The following GRIA4 variants were observed in gnomAD, a reference collection of about 807,000 sequenced individuals.
GRIA4 encodes the protein glutamate receptor 4.
A neutral mutation model predicts 104.0 loss-of-function variants in GRIA4; 34 were observed. The ratio of observed to expected loss-of-function variants is 0.33; its 90% CI spans 0.25 to 0.44. The LOEUF is 0.44. GRIA4 is among the 20% of genes least tolerant of loss of function. The probability of loss-of-function intolerance (pLI) is 1.00; values close to 1 mark genes in which losing one functional copy is unlikely to be tolerated. For synonymous variants in GRIA4, 386 were observed against 381.9 expected (o/e 1.01, Z -0.13); for missense variants, 750 against 1,096.5 (o/e 0.68, Z 4.46).
chr11:105,928,876 A>T (rs1419950303), intron 13 of GRIA4, among the ~76,000 whole-genome samples: 5 of 152,110 alleles, frequency 3.3e-5, no homozygotes, highest in Non-Finnish European at 1.5e-5. Flanking sequence ...ATAAGAGAAT[A>T]TATTAAGAGA....
chr11:105,842,746 G>A (rs1444079950), intron 4 of GRIA4: 4 of 152,218 alleles, frequency 2.6e-5, no homozygotes, highest in East Asian at 1.9e-4. Context: ...AAAGCAATAC[G>A]ATACAATAAA....
chr11:105,682,071 A>T (rs1344065518), intron 3 of GRIA4, among the ~76,000 whole-genome samples: 1 of 152,024 alleles, frequency 6.6e-6, no homozygotes, highest in East Asian at 1.9e-4. Context: ...TAACAATTTC[A>T]TTGATTTCTG....
intron 10 of GRIA4, chr11:105,913,290 G>C (rs1947307614): frequency 1.8e-6 from 1 of 563,150 alleles, no homozygotes; most frequent in Non-Finnish European, 2.2e-6. Flanking sequence ...TGTAGTGTTA[G>C]CTTTTATGGC....
At chr11:105,695,887 T>C (rs771443585) in intron 3 of GRIA4, among the ~76,000 whole-genome samples, 2 of 152,188 alleles carry the variant, frequency 1.3e-5, no homozygotes. Context: ...AAATATTGTA[T>C]ACCATTGTAT....
intron 6 of GRIA4, among the ~76,000 whole-genome samples, chr11:105,890,571 T>C (rs1178108100): frequency 6.6e-6 from 1 of 152,208 alleles, no homozygotes; most frequent in East Asian, 1.9e-4. Flanking sequence ...TGAGAATACA[T>C]TGATGTATTC....
chr11:105,794,508 T>TATATATATATAC (rs1942390595), intron 4 of GRIA4, among the ~76,000 whole-genome samples: 1 of 122,950 alleles, frequency 8.1e-6, no homozygotes, highest in Non-Finnish European at 1.7e-5. Context: ...TATATATATA[T>TATATATATATAC]ATATACATAT....
intron 14 of GRIA4, among the ~76,000 whole-genome samples, chr11:105,962,631 C>A (rs935980210): frequency 1.3e-5 from 2 of 152,026 alleles, no homozygotes; most frequent in African/African-American, 4.8e-5. Context: ...ATGAGAAAAG[C>A]TATTTGGGGA....
chr11:105,821,319 T>C (rs1297551579), intron 4 of GRIA4, among the ~76,000 whole-genome samples: 2 of 152,076 alleles, frequency 1.3e-5, no homozygotes, highest in African/African-American at 4.8e-5. Flanking sequence ...GAAGAAATTG[T>C]AGGAGGGGGT....
chr11:105,748,227 T>C (rs1010622701), intron 3 of GRIA4, among the ~76,000 whole-genome samples: 4 of 152,212 alleles, frequency 2.6e-5, no homozygotes, highest in Admixed American at 6.5e-5. Flanking sequence ...GGCAGTCAGC[T>C]TGGAACTTAG....
At chr11:105,904,128 C>T (rs558185445) in intron 8 of GRIA4, 147 bp downstream of exon 8, 3 of 612,902 alleles carry the variant, frequency 4.9e-6, no homozygotes, top group East Asian at 2.9e-5. Context: ...AACATTTCTA[C>T]ATAAAATACA....
intron 14 of GRIA4, among the ~76,000 whole-genome samples, chr11:105,966,685 G>C (rs1363211193): frequency 7.6e-6 from 1 of 131,638 alleles, no homozygotes; most frequent in East Asian, 2.2e-4. Flanking sequence ...CTTAACTCCA[G>C]CTTCCTAAAA....
In GRIA4 at chr11:105,933,874, C is replaced by T. The variant is rs577703934; in HGVS notation, c.2199C>T (p.Tyr733=). The T allele has an allele frequency of 1.2e-6, 2 of 1,613,374 alleles. No homozygotes were observed. Among genetic ancestry groups the T allele is most frequent in the African/African-American group, 2.7e-5 (2 of 74,958 alleles). ...AFLLESTMNE[Y]IEQRKPCDTM... The stretch of plus-strand genomic sequence containing the variant: ...TCCTGGAGTCCACTATGAATGAATA[C>T]ATTGAGCAGCGAAAGCCATGTGACA... The change falls in exon 14 of 17, where the codon TAC becomes TAT. Residue 733 remains tyrosine, a synonymous_variant. Coordinates refer to ENST00000282499, the MANE Select transcript of GRIA4 (RefSeq NM_000829.4).
intron 4 of GRIA4, among the ~76,000 whole-genome samples, chr11:105,821,688 ACAATT>A (rs1216521052): frequency 6.6e-6 from 1 of 152,124 alleles, no homozygotes; most frequent in African/African-American, 2.4e-5. Context: ...AGTAAGGATT[ACAATT>A]CAACGTGAGA....
At chr11:105,976,370 C>T (rs564633126) in intron 16 of GRIA4, among the ~76,000 whole-genome samples, 14 of 151,950 alleles carry the variant, frequency 9.2e-5, no homozygotes, top group African/African-American at 3.1e-4. Context: ...ATGTAAATTC[C>T]CACGTCATAT....
At chr11:105,891,741 GT>G (rs1565320425) in intron 6 of GRIA4, among the ~76,000 whole-genome samples, 1 of 152,190 alleles carries the variant, frequency 6.6e-6, no homozygotes, top group Admixed American at 6.5e-5. Context: ...ACTTATTCTT[GT>G]TTTTTCATTT....
intron 3 of GRIA4, among the ~76,000 whole-genome samples, chr11:105,643,998 C>T (rs1951448297): frequency 6.6e-6 from 1 of 152,174 alleles, no homozygotes; most frequent in Non-Finnish European, 1.5e-5. Flanking sequence ...GGATTACAGG[C>T]ATGAGCCACC....
At chr11:105,783,762 G>GTA (rs1228157179) in intron 4 of GRIA4, among the ~76,000 whole-genome samples, 6 of 150,704 alleles carry the variant, frequency 4.0e-5, no homozygotes, top group African/African-American at 1.5e-4. Flanking sequence ...GTGTGTGTGT[G>GTA]TGTGTGTGTG....
In GRIA4 at chr11:105,752,968, C is replaced by G; in HGVS notation, c.248-13C>G. On this transcript the variant is annotated splice_polypyrimidine_tract_variant and intron_variant, in intron 3 of 16. Coordinates refer to ENST00000282499, the MANE Select transcript of GRIA4 (RefSeq NM_000829.4). ...TGCTAATAGTTTGTGGTGTTTTCTTCCTCTTGTTTCAGTCTGTTCCCAGTA... is the reference window on the plus strand; with the variant it reads ...TGCTAATAGTTTGTGGTGTTTTCTTGCTCTTGTTTCAGTCTGTTCCCAGTA... 1.2e-6 allele frequency: 2 copies of G among 1,608,236 alleles called. No homozygotes were observed. The highest frequency in any genetic ancestry group is 1.7e-6 in the Non-Finnish European group (2 of 1,175,510).
rs1859202186 is a variant in GRIA4 at position 105,980,205 on chromosome 11, A to G, written c.*466A>G. On this transcript the variant is annotated 3_prime_UTR_variant, in exon 17 of 17. Transcript: ENST00000282499. Reference sequence around the variant, plus strand: ...TCCATGGAAGAAAATCCAGCTGAGAAAACAAATCACTAAACTGTGATAAGA... The same window carrying G: ...TCCATGGAAGAAAATCCAGCTGAGAGAACAAATCACTAAACTGTGATAAGA... 1 of 153,152 alleles carries G rather than the reference A, an allele frequency of 6.5e-6. No individual in the cohort carries two copies. Among genetic ancestry groups the G allele is most frequent in the Non-Finnish European group, 1.5e-5 (1 of 68,412 alleles). 9.5% of individuals were successfully genotyped at this position (153,152 alleles called of 1,614,324 possible). A position where few individuals can be genotyped will look rare whatever the true frequency, so the allele number is the denominator to read the frequency against.
Sources: allele counts gnomAD v4.1 joint callset (sites outside exome capture counted in the v4.1 genomes callset), GRCh38; gene constraint gnomAD v4.1.1; transcripts MANE v1.5; gene names NCBI Gene and HGNC (gene_info 2026-07-23, HGNC 2026-07-21).